The following ENAH variants were observed in gnomAD, a reference collection of about 807,000 sequenced individuals.
ENAH encodes the protein protein enabled homolog.
A neutral mutation model predicts 78.7 loss-of-function variants in ENAH; 23 were observed. The observed-to-expected ratio is 0.29, with a 90% CI of 0.21 to 0.41. ENAH has a LOEUF of 0.41. ENAH is among the 10% of genes least tolerant of loss of function. ENAH has a pLI of 1.00. For missense variants in ENAH, 544 were observed against 691.0 expected (o/e 0.79, Z 2.39); for synonymous variants, 226 against 241.0 (o/e 0.94, Z 0.58).
rs1234635523 is a variant in ENAH, at chr1:225,517,550, A to G, written c.803-244T>C. ...ATTTGGGGCACAGGAGAAGAAACAC[A>G]AACAGGGAGGACAGGCCTTGGACCA... On this transcript the variant is annotated intron_variant, in intron 5 of 13. Coordinates refer to ENST00000366843, the MANE Select transcript of ENAH (RefSeq NM_018212.6). The G allele has an allele frequency of 2.6e-6, 4 of 1,551,480 alleles. No individual in the cohort carries two copies. The East Asian group carries it at 7.3e-5, about 28-fold the overall frequency.
In ENAH at chr1:225,519,210, T is replaced by C. The variant is rs776445017; in HGVS notation, c.790A>G (p.Ile264Val). Residue 264 changes from isoleucine (I) to valine (V), a missense_variant, in exon 5 of 14, where the codon ATA becomes GTA. Coordinates refer to ENST00000366843, the MANE Select transcript of ENAH (RefSeq NM_018212.6). ...GTAAACTTCTTACCAGCACTTGATA[T>C]TCTGCGCTCTCTCTCCCATTCCAGC... is the stretch of plus-strand genomic sequence containing the variant. ...EQLEWERERR[I>V]SSAAAPASVE... 8.7e-6 allele frequency: 14 copies of C among 1,613,956 alleles called. No homozygotes were observed. The East Asian group carries it at 2.9e-4, about 33-fold the overall frequency.
Position 225,630,147 on chromosome 1 carries a change from T to C in ENAH, c.5+22539A>G, listed in dbSNP as rs529716136. Among the ~76,000 whole-genome samples the C allele has an allele frequency of 1.9e-3, 283 of 152,318 alleles. 1 individual carries two copies. The highest frequency in any genetic ancestry group is 3.0e-3 in the Non-Finnish European group (206 of 68,022). On this transcript the variant is annotated intron_variant, in intron 1 of 13. Coordinates refer to ENST00000366843, the MANE Select transcript of ENAH (RefSeq NM_018212.6). ...ATTTAGAAAAAAAATGTCTAGAAGA[T>C]TGCAGGGATTTATAGCCAAACTAAA...
intron 1 of ENAH, among the ~76,000 whole-genome samples, chr1:225,589,800 T>C (rs1399250413): frequency 1.3e-5 from 2 of 152,150 alleles, no homozygotes; most frequent in Non-Finnish European, 1.5e-5. Context: ...TATACATATG[T>C]TAACAGAAAA....
intron 3 of ENAH, among the ~76,000 whole-genome samples, chr1:225,548,205 A>AT (rs1483544859): frequency 2.7e-5 from 3 of 111,392 alleles, no homozygotes; most frequent in African/African-American, 6.5e-5. Context: ...TAGAATTTTC[A>AT]TTTTCTTTTT....
At chr1:225,595,347 T>A (rs538525668) in intron 1 of ENAH, among the ~76,000 whole-genome samples, 1 of 151,136 alleles carries the variant, frequency 6.6e-6, no homozygotes, top group African/African-American at 2.4e-5. Context: ...AAAAAAAAAA[T>A]TATCAAATGA....
intron 1 of ENAH, among the ~76,000 whole-genome samples, chr1:225,591,845 A>G (rs1012515212): frequency 4.6e-5 from 7 of 151,414 alleles, no homozygotes; most frequent in African/African-American, 1.5e-4. Context: ...TATTCAGGGC[A>G]GAGTGTTGGT....
intron 3 of ENAH, among the ~76,000 whole-genome samples, chr1:225,552,883 A>G (rs2096648041): frequency 1.3e-5 from 2 of 152,184 alleles, no homozygotes; most frequent in Admixed American, 1.3e-4. Context: ...ATTACCTTAC[A>G]ATAGAGAATG....
At chr1:225,596,988 T>G (rs919549988) in intron 1 of ENAH, among the ~76,000 whole-genome samples, 1 of 152,220 alleles carries the variant, frequency 6.6e-6, no homozygotes, top group Non-Finnish European at 1.5e-5. Context: ...TCTGTCATTC[T>G]GATGAGATCT....
intron 3 of ENAH, among the ~76,000 whole-genome samples, chr1:225,543,630 C>T (rs1264565367): frequency 1.3e-5 from 2 of 152,218 alleles, no homozygotes; most frequent in Non-Finnish European, 2.9e-5. Context: ...ACTATCTACA[C>T]AATTAACAGC....
chr1:225,554,892 C>A lies in ENAH; in HGVS notation c.349+14G>T. On this transcript the variant is annotated intron_variant, in intron 3 of 13. Transcript: ENST00000366843. Reference sequence around the variant, plus strand: ...AAAAAGAAAGAAAATACAAATAAACCATGGGCACCTTACCTGTTTCCTGTG... The same window carrying A: ...AAAAAGAAAGAAAATACAAATAAACAATGGGCACCTTACCTGTTTCCTGTG... 1 of 1,500,922 alleles carries A rather than the reference C, an allele frequency of 6.7e-7. No individual in the cohort carries two copies. The highest frequency in any genetic ancestry group is 9.0e-7 in the Non-Finnish European group (1 of 1,105,612). 93.0% of individuals were successfully genotyped at this position (1,500,922 alleles called of 1,614,324 possible).
chr1:225,585,070 C>A (rs2147800642), intron 1 of ENAH, among the ~76,000 whole-genome samples: 1 of 151,736 alleles, frequency 6.6e-6, no homozygotes. Context: ...CAAAAATTAG[C>A]CAGGCAGTAG....
chr1:225,602,284 G>A (rs1168277374), intron 1 of ENAH, among the ~76,000 whole-genome samples: 1 of 152,070 alleles, frequency 6.6e-6, no homozygotes, highest in Admixed American at 6.5e-5. Context: ...TTTTTAATAG[G>A]TGGATTCTAC....
intron 13 of ENAH, among the ~76,000 whole-genome samples, chr1:225,498,111 T>C (rs1166176995): frequency 2.0e-5 from 3 of 152,192 alleles, no homozygotes; most frequent in East Asian, 1.9e-4. Context: ...TGGTTTTCCA[T>C]CTAAGAAAAG....
chr1:225,572,489 T>C lies in ENAH; in HGVS notation c.6-5075A>G, dbSNP rs528733185. On this transcript the variant is annotated intron_variant, in intron 1 of 13. Coordinates refer to ENST00000366843, the MANE Select transcript of ENAH (RefSeq NM_018212.6). ...ATTAAATGCAATAACTTGAGCTTTC[T>C]AGACAATTCCCTCTATTATCTGCAG... is the stretch of plus-strand genomic sequence containing the variant. Among the ~76,000 whole-genome samples, 13 of 152,346 alleles carry C rather than the reference T, an allele frequency of 8.5e-5. No individual in the cohort carries two copies. In the South Asian group the frequency reaches 2.7e-3, roughly 32 times the overall value.
At chr1:225,499,285 A>G (rs913807774) in intron 12 of ENAH, among the ~76,000 whole-genome samples, 2 of 152,142 alleles carry the variant, frequency 1.3e-5, no homozygotes, top group Non-Finnish European at 2.9e-5. Flanking sequence ...AAATAAATAA[A>G]TAAATAATGC....
chr1:225,579,591 G>A (rs1359507803), intron 1 of ENAH, among the ~76,000 whole-genome samples: 1 of 152,146 alleles, frequency 6.6e-6, no homozygotes, highest in Non-Finnish European at 1.5e-5. Context: ...GATACAGATA[G>A]AGATTCACAC....
At chr1:225,522,986 C>T (rs1398295831) in intron 4 of ENAH, among the ~76,000 whole-genome samples, 1 of 151,964 alleles carries the variant, frequency 6.6e-6, no homozygotes, top group African/African-American at 2.4e-5. Context: ...TAGTTCACTG[C>T]CTCAACCCTC....
chr1:225,592,495 C>A (rs1402914593), intron 1 of ENAH, among the ~76,000 whole-genome samples: 1 of 152,112 alleles, frequency 6.6e-6, no homozygotes, highest in Non-Finnish European at 1.5e-5. Context: ...TGAGAATCCG[C>A]GATGTTTAGT....
chr1:225,519,658 C>G (rs2096452564), intron 4 of ENAH, 93 bp from the exon 5 acceptor site: 2 of 1,507,260 alleles, frequency 1.3e-6, no homozygotes, highest in East Asian at 4.5e-5. Flanking sequence ...ATTTCTGAGT[C>G]AAATAAAAGC....
Sources: allele counts gnomAD v4.1 joint callset (sites outside exome capture counted in the v4.1 genomes callset), GRCh38; gene constraint gnomAD v4.1.1; transcripts MANE v1.5; gene names NCBI Gene and HGNC (gene_info 2026-07-23, HGNC 2026-07-21).